TMEM132D: variants seen among roughly 807,000 people sequenced by gnomAD.
TMEM132D encodes the protein mature OL transmembrane protein.
TMEM132D carries 21 observed loss-of-function variants against 62.3 expected under a neutral mutation model. That is an observed-to-expected ratio of 0.34 (90% CI 0.24 to 0.49). The LOEUF is 0.49. TMEM132D is among the 20% of genes least tolerant of loss of function. The probability of loss-of-function intolerance (pLI) is 0.99; values close to 1 mark genes in which losing one functional copy is unlikely to be tolerated. For missense variants in TMEM132D, 1,346 were observed against 1,402.8 expected (o/e 0.96, Z 0.65); for synonymous variants, 621 against 575.6 (o/e 1.08, Z -1.13).
rs1005848320 is a variant in TMEM132D at position 129,847,918 on chromosome 12, C to T, written c.79+55343G>A. ...GCCTTCAGAGGACTCCAGCCACAGCCACCACCTGCCCGCAGTAGTGTTAGG... is the reference window on the plus strand; with the variant it reads ...GCCTTCAGAGGACTCCAGCCACAGCTACCACCTGCCCGCAGTAGTGTTAGG... On this transcript the variant is annotated intron_variant, in intron 1 of 8. Coordinates refer to ENST00000422113, the MANE Select transcript of TMEM132D (RefSeq NM_133448.3). 3.3e-5 allele frequency among the ~76,000 whole-genome samples: 5 copies of T among 152,076 alleles called. No homozygotes were observed. In the South Asian group the frequency reaches 8.3e-4, roughly 25 times the overall value.
chr12:129,780,107 C>G (rs1174224228), intron 1 of TMEM132D, among the ~76,000 whole-genome samples: 3 of 152,096 alleles, frequency 2.0e-5, no homozygotes, highest in Non-Finnish European at 4.4e-5. Flanking sequence ...CCACACCCAC[C>G]CGCAAAGGGG....
intron 2 of TMEM132D, among the ~76,000 whole-genome samples, chr12:129,579,696 C>T (rs1163163546): frequency 6.6e-6 from 1 of 152,194 alleles, no homozygotes; most frequent in African/African-American, 2.4e-5. Flanking sequence ...TTTTTCTAGC[C>T]ATGCTGGCAG....
intron 1 of TMEM132D, among the ~76,000 whole-genome samples, chr12:129,888,148 C>T (rs145997617): frequency 1.3e-5 from 2 of 152,294 alleles, no homozygotes; most frequent in East Asian, 3.9e-4. Context: ...TTGCTTTTAA[C>T]AGCACATAAT....
At chr12:129,892,746 A>C (rs1874969602) in intron 1 of TMEM132D, among the ~76,000 whole-genome samples, 1 of 152,012 alleles carries the variant, frequency 6.6e-6, no homozygotes, top group Non-Finnish European at 1.5e-5. Flanking sequence ...GAGATGCTAC[A>C]ATTTGTTACT....
chr12:129,726,981 T>C (rs1400202685), intron 1 of TMEM132D, among the ~76,000 whole-genome samples: 1 of 152,124 alleles, frequency 6.6e-6, no homozygotes, highest in Non-Finnish European at 1.5e-5. Flanking sequence ...CCCACCTCAG[T>C]GTGGATTTAT....
chr12:129,573,103 G>A (rs531086405), intron 2 of TMEM132D, among the ~76,000 whole-genome samples: 2 of 152,272 alleles, frequency 1.3e-5, no homozygotes, highest in African/African-American at 2.4e-5. Context: ...GCAGCTCTGT[G>A]TCGTGGTGCT....
intron 3 of TMEM132D, among the ~76,000 whole-genome samples, chr12:129,352,325 C>G (rs893020004): frequency 6.6e-6 from 1 of 152,122 alleles, no homozygotes; most frequent in Non-Finnish European, 1.5e-5. Context: ...ACCCTTGTAG[C>G]AGAACACACA....
intron 3 of TMEM132D, among the ~76,000 whole-genome samples, chr12:129,458,397 G>T (rs1050559529): frequency 2.1e-5 from 2 of 94,592 alleles, no homozygotes; most frequent in Non-Finnish European, 4.7e-5. Flanking sequence ...AGTGGGCAGA[G>T]GTTTTTTTTT....
intron 5 of TMEM132D, among the ~76,000 whole-genome samples, chr12:129,186,952 A>T (rs1878238815): frequency 6.6e-6 from 1 of 152,234 alleles, no homozygotes; most frequent in Non-Finnish European, 1.5e-5. Context: ...GTAAATCATA[A>T]ATTTCTAACA....
intron 3 of TMEM132D, among the ~76,000 whole-genome samples, chr12:129,514,894 T>C (rs540378600): frequency 1.1e-4 from 17 of 152,260 alleles, no homozygotes; most frequent in African/African-American, 3.8e-4. Flanking sequence ...CGTAAGACAA[T>C]ATACTCCATG....
intron 1 of TMEM132D, among the ~76,000 whole-genome samples, chr12:129,879,528 G>A (rs534524245): frequency 5.3e-5 from 8 of 152,192 alleles, no homozygotes; most frequent in African/African-American, 1.9e-4. Context: ...GAGAAGAAAC[G>A]TGAGTAATGG....
At chr12:129,216,397 T>C (rs1879201975) in intron 4 of TMEM132D, among the ~76,000 whole-genome samples, 1 of 152,152 alleles carries the variant, frequency 6.6e-6, no homozygotes, top group African/African-American at 2.4e-5. Context: ...ATGGTCTTAA[T>C]GGATTAAGGT....
chr12:129,094,716 TA>T (rs1875041443), intron 5 of TMEM132D, among the ~76,000 whole-genome samples: 1 of 152,172 alleles, frequency 6.6e-6, no homozygotes, highest in South Asian at 2.1e-4. Flanking sequence ...CATGCTGCTA[TA>T]AAGACACATG....
intron 1 of TMEM132D, among the ~76,000 whole-genome samples, chr12:129,759,638 A>G (rs1433718324): frequency 6.6e-6 from 1 of 152,236 alleles, no homozygotes; most frequent in Non-Finnish European, 1.5e-5. Flanking sequence ...ATCATTCAAT[A>G]TATTTTAGCA....
chr12:129,511,414 T>C (rs1875493109), intron 3 of TMEM132D, among the ~76,000 whole-genome samples: 1 of 152,218 alleles, frequency 6.6e-6, no homozygotes, highest in Admixed American at 6.5e-5. Flanking sequence ...TATATAGAAA[T>C]TTGTTCATCA....
In TMEM132D at chr12:129,073,909, TG is replaced by T; in HGVS notation, c.3265del (p.His1089ThrfsTer47). The T allele has an allele frequency of 6.4e-7, 1 of 1,567,608 alleles. No homozygotes were observed. The highest frequency in any genetic ancestry group is 1.2e-5 in the South Asian group (1 of 82,932). On this transcript the variant is annotated frameshift_variant, in exon 9 of 9. Transcript: ENST00000422113. LOFTEE classifies it low-confidence loss of function (END_TRUNC). ...TTCATGTAACCTCTCCATGTAGTTG[TG>T]CAGCTCTTTGCAGTCCCCAGGGTCC... The part of the protein sequence containing the change: ...DLDPGDCKEL[H>X]NYMERLHENV
intron 3 of TMEM132D, among the ~76,000 whole-genome samples, chr12:129,502,478 G>A (rs1161874126): frequency 1.3e-5 from 2 of 152,022 alleles, no homozygotes; most frequent in Non-Finnish European, 2.9e-5. Context: ...AAGCAAATAC[G>A]TATTATTGAC....
intron 3 of TMEM132D, among the ~76,000 whole-genome samples, chr12:129,364,288 T>C (rs1300924748): frequency 6.6e-6 from 1 of 152,200 alleles, no homozygotes; most frequent in Non-Finnish European, 1.5e-5. Flanking sequence ...TGAGTGATGG[T>C]CAGTCCTCTG....
chr12:129,415,208 G>A (rs1022374470), intron 3 of TMEM132D, among the ~76,000 whole-genome samples: 3 of 152,088 alleles, frequency 2.0e-5, no homozygotes, highest in Admixed American at 6.5e-5. Flanking sequence ...TTGTTGGATC[G>A]TATGGTTGTT....
Sources: gnomAD v4.1 joint callset for allele counts (sites outside exome capture counted in the v4.1 genomes callset) on GRCh38, gnomAD v4.1.1 for gene constraint, MANE v1.5 for transcripts, NCBI Gene and HGNC (gene_info 2026-07-23, HGNC 2026-07-21) for gene names.